Variants in CCDC15 observed in about 807,000 individuals in gnomAD.
CCDC15 encodes the protein coiled-coil domain containing 15.
A neutral mutation model predicts 114.5 loss-of-function variants in CCDC15; 105 were observed. That is an observed-to-expected ratio of 0.92 (90% CI 0.78 to 1.08). The LOEUF (loss-of-function observed/expected upper bound fraction) is 1.08. Among genes scored for constraint, CCDC15 ranks in the 50% least tolerant of loss-of-function variants. CCDC15 has a pLI of 0.00. For missense variants in CCDC15, 1,105 were observed against 1,093.6 expected (o/e 1.01, Z -0.15); for synonymous variants, 334 against 377.8 (o/e 0.88, Z 1.34).
chr11:125,002,449 T>A (rs1307323942), intron 11 of CCDC15, among the ~76,000 whole-genome samples: 1 of 152,146 alleles, frequency 6.6e-6, no homozygotes, highest in Non-Finnish European at 1.5e-5. Flanking sequence ...GTGCTTTTAT[T>A]GTCATATCTA....
chr11:124,966,051 T>A (rs558959756), intron 4 of CCDC15, among the ~76,000 whole-genome samples: 1 of 152,316 alleles, frequency 6.6e-6, no homozygotes, highest in East Asian at 1.9e-4. Context: ...GAGGAGTGCT[T>A]TACTTCCAAC....
chr11:124,981,065 A>G (rs1192723093), intron 6 of CCDC15, among the ~76,000 whole-genome samples: 1 of 152,068 alleles, frequency 6.6e-6, no homozygotes, highest in Non-Finnish European at 1.5e-5. Flanking sequence ...ATGTAAATGT[A>G]TGGTTTTGAG....
chr11:124,970,479 C>A (rs1054322174), intron 4 of CCDC15, among the ~76,000 whole-genome samples: 1 of 152,148 alleles, frequency 6.6e-6, no homozygotes, highest in Non-Finnish European at 1.5e-5. Flanking sequence ...ATTTAAAAAT[C>A]AGTATGATAT....
In CCDC15 at chr11:124,987,758, C is replaced by T. The variant is rs1440202795; in HGVS notation, c.1532C>T (p.Ser511Phe). The change falls in exon 8 of 16, where the codon TCT becomes TTT. Residue 511 changes from serine to phenylalanine, a missense_variant. Transcript: ENST00000344762. The stretch of plus-strand genomic sequence containing the variant: ...CTACCTAAGGACCAGAATTTTTTGT[C>T]TAGAGACCAGCATGTTCTCCCCAAA... ...NFLPKDQNFL[S>F]RDQHVLPKDQ... is the part of the protein sequence containing the mutation. The T allele has an allele frequency of 6.2e-7, 1 of 1,613,996 alleles. No homozygotes were observed.
intron 6 of CCDC15, among the ~76,000 whole-genome samples, chr11:124,979,326 T>C (rs1948027240): frequency 6.6e-6 from 1 of 152,120 alleles, no homozygotes; most frequent in African/African-American, 2.4e-5. Context: ...AAGAATGTCA[T>C]TGGTAGTTTG....
intron 13 of CCDC15, among the ~76,000 whole-genome samples, chr11:125,010,088 C>T (rs771077382): frequency 7.9e-5 from 12 of 152,290 alleles, no homozygotes; most frequent in Non-Finnish European, 1.6e-4. Flanking sequence ...GCTGAACTAA[C>T]AAACCGCTTT....
At chr11:124,975,723 A>G (rs1947962309) in intron 5 of CCDC15, among the ~76,000 whole-genome samples, 1 of 152,192 alleles carries the variant, frequency 6.6e-6, no homozygotes. Context: ...GTGCATAGAC[A>G]AAAGCCTAGG....
At chr11:125,004,939 C>A (rs148986814) in intron 12 of CCDC15, among the ~76,000 whole-genome samples, 170 bp from the exon 13 acceptor site, 1 of 152,184 alleles carries the variant, frequency 6.6e-6, no homozygotes, top group African/African-American at 2.4e-5. Context: ...GTGTATGTGA[C>A]ATCCTGAGTG....
At chr11:125,031,002 A>C (rs1390788777) in intron 13 of CCDC15, among the ~76,000 whole-genome samples, 1 of 152,174 alleles carries the variant, frequency 6.6e-6, no homozygotes, top group African/African-American at 2.4e-5. Flanking sequence ...TTTCTTTGTC[A>C]CCAGTTTTTC....
At chr11:124,975,305 A>T (rs1947955748) in intron 5 of CCDC15, 96 bp downstream of exon 5, 1 of 697,020 alleles carries the variant, frequency 1.4e-6, no homozygotes, top group African/African-American at 1.9e-5. Flanking sequence ...ACTGTAAAAT[A>T]ATTGGAAATA....
At chr11:124,979,960 G>A (rs569709388) in intron 6 of CCDC15, among the ~76,000 whole-genome samples, 74 of 152,118 alleles carry the variant, frequency 4.9e-4, no homozygotes, top group African/African-American at 1.5e-3. Context: ...CAAATGCCTC[G>A]TTTGTTGAGG....
chr11:124,980,904 A>G (rs1033034104), intron 6 of CCDC15, among the ~76,000 whole-genome samples: 1 of 152,220 alleles, frequency 6.6e-6, no homozygotes, highest in Non-Finnish European at 1.5e-5. Context: ...GTTTAAAACT[A>G]TAAACTTCCC....
At chr11:125,007,721 T>C (rs1055297832) in intron 13 of CCDC15, among the ~76,000 whole-genome samples, 8 of 152,218 alleles carry the variant, frequency 5.3e-5, no homozygotes, top group Middle Eastern at 3.2e-3. Context: ...AGTTCCCTTT[T>C]CTCTACATCC....
intron 4 of CCDC15, among the ~76,000 whole-genome samples, chr11:124,972,375 TGTA>T (rs1465701800): frequency 6.6e-6 from 1 of 152,160 alleles, no homozygotes; most frequent in Non-Finnish European, 1.5e-5. Flanking sequence ...TACATACAAA[TGTA>T]TATATATACC....
intron 11 of CCDC15, 113 bp downstream of exon 11, chr11:124,993,356 C>A: frequency 1.5e-6 from 1 of 653,526 alleles, no homozygotes. Context: ...ATTGACAGGG[C>A]AATGTAACTG....
chr11:125,039,101 A>G (rs1948797902), intron 15 of CCDC15, 32 bp downstream of exon 15: 1 of 1,537,632 alleles, frequency 6.5e-7, no homozygotes, highest in Non-Finnish European at 8.8e-7. Context: ...TCAGGGCCTA[A>G]TGGCAACAAG....
At chr11:124,996,583 G>T (rs1039157698) in intron 11 of CCDC15, among the ~76,000 whole-genome samples, 1 of 152,014 alleles carries the variant, frequency 6.6e-6, no homozygotes. Context: ...TCCTTTTTAG[G>T]TATACAGTTC....
At chr11:124,974,448 A>G (rs917320193) in intron 4 of CCDC15, among the ~76,000 whole-genome samples, 1 of 152,236 alleles carries the variant, frequency 6.6e-6, no homozygotes, top group Non-Finnish European at 1.5e-5. Context: ...TCAACATTTA[A>G]TATTAGTAGT....
At position 124,959,230 on chromosome 11, in the gene CCDC15, GAA is replaced by G; in HGVS notation, c.298_299del (p.Lys100AlafsTer8). On this transcript the variant is annotated frameshift_variant, in exon 3 of 16. Coordinates refer to ENST00000344762, the MANE Select transcript of CCDC15 (RefSeq NM_025004.3). LOFTEE classifies it high-confidence loss of function. The stretch of plus-strand genomic sequence containing the variant: ...CGAGTAAATCAACAAATTAGGTTGA[GAA>G]AAAAGCAACAGCTTCAGAAGTCTTA... 6.3e-7 allele frequency: 1 copy of G among 1,580,428 alleles called. No individual in the cohort carries two copies. The highest frequency in any genetic ancestry group is 1.2e-5 in the South Asian group (1 of 82,956).
Sources: gnomAD v4.1 joint callset for allele counts (sites outside exome capture counted in the v4.1 genomes callset) on GRCh38, gnomAD v4.1.1 for gene constraint, MANE v1.5 for transcripts, NCBI Gene and HGNC (gene_info 2026-07-23, HGNC 2026-07-21) for gene names.